ATE1: variants seen among roughly 807,000 people sequenced by gnomAD.
ATE1 encodes the protein arginyl-tRNA--protein transferase 1.
ATE1 carries 36 observed loss-of-function variants against 70.5 expected under a neutral mutation model. That is an observed-to-expected ratio of 0.51 (90% CI 0.39 to 0.67). The LOEUF (loss-of-function observed/expected upper bound fraction) is 0.67, where lower values mean the gene tolerates loss of function less well. ATE1 is among the 30% of genes least tolerant of loss of function. The probability of loss-of-function intolerance (pLI) is 0.00; values close to 1 mark genes in which losing one functional copy is unlikely to be tolerated. For missense variants in ATE1, 593 were observed against 629.5 expected, an observed-to-expected ratio of 0.94 and a Z score of 0.62; for synonymous variants, 232 against 219.3, an observed-to-expected ratio of 1.06 and a Z score of -0.51.
At chr10:121,855,564 A>G (rs1253778484) in intron 8 of ATE1, among the ~76,000 whole-genome samples, 4 of 152,200 alleles carry the variant, frequency 2.6e-5, no homozygotes, top group African/African-American at 9.7e-5. Context: ...TTCTGCATCT[A>G]TAATTCGAAA....
chr10:121,782,188 T>C (rs1376795412), intron 11 of ATE1, among the ~76,000 whole-genome samples: 1 of 152,252 alleles, frequency 6.6e-6, no homozygotes, highest in Non-Finnish European at 1.5e-5. Context: ...TTCCAATTAC[T>C]AGTAGACATT....
intron 10 of ATE1, among the ~76,000 whole-genome samples, chr10:121,803,683 GCTGTCTCTAACTAATCATATCTCTAT>G (rs1407241732): frequency 7.9e-5 from 12 of 152,162 alleles, no homozygotes; most frequent in Non-Finnish European, 1.8e-4. Context: ...AAGTCAGTAA[GCTGTCTCTAACTAATCATATCTCTAT>G]CTGGAGCCAT....
intron 11 of ATE1, among the ~76,000 whole-genome samples, chr10:121,780,790 T>A (rs1366126483): frequency 6.6e-6 from 1 of 152,136 alleles, no homozygotes. Flanking sequence ...CAAGCAGATT[T>A]CCCTGACCTT....
chr10:121,899,386 T>C (rs1202194863), intron 7 of ATE1, among the ~76,000 whole-genome samples: 2 of 152,242 alleles, frequency 1.3e-5, no homozygotes, highest in Non-Finnish European at 2.9e-5. Context: ...TCTATTAAAA[T>C]GTTCTACTAT....
At chr10:121,910,750 C>T (rs192899859) in intron 5 of ATE1, among the ~76,000 whole-genome samples, 156 bp downstream of exon 5, 6 of 152,262 alleles carry the variant, frequency 3.9e-5, no homozygotes, top group African/African-American at 1.2e-4. Flanking sequence ...CATGATTTGT[C>T]CATCTAATTC....
At chr10:121,854,198 T>C (rs975957974) in intron 8 of ATE1, among the ~76,000 whole-genome samples, 1 of 152,202 alleles carries the variant, frequency 6.6e-6, no homozygotes, top group African/African-American at 2.4e-5. Context: ...AAATAATCCC[T>C]TACATGGTTT....
intron 10 of ATE1, among the ~76,000 whole-genome samples, chr10:121,803,058 TA>T (rs2133389273): frequency 6.6e-6 from 1 of 152,310 alleles, no homozygotes; most frequent in South Asian, 2.1e-4. Flanking sequence ...TTCTAGAACT[TA>T]ATACAATCTA....
At chr10:121,777,694 T>A (rs1280522005) in intron 11 of ATE1, among the ~76,000 whole-genome samples, 1 of 152,230 alleles carries the variant, frequency 6.6e-6, no homozygotes, top group East Asian at 1.9e-4. Flanking sequence ...TCTTGAAGAT[T>A]TTCTATGTAA....
chr10:121,766,942 G>A (rs1945302318), intron 11 of ATE1, among the ~76,000 whole-genome samples: 1 of 152,108 alleles, frequency 6.6e-6, no homozygotes, highest in African/African-American at 2.4e-5. Context: ...AATAAAAGAG[G>A]AGGAAATCCA....
chr10:121,780,493 C>T lies in ATE1; in HGVS notation c.1378+9676G>A, dbSNP rs546703689. ...TGCATGCAAACCCTTCTTAACTCTGCTCTTAACCAATTCCCACTCTTTCTC... is the reference window on the plus strand; with the variant it reads ...TGCATGCAAACCCTTCTTAACTCTGTTCTTAACCAATTCCCACTCTTTCTC... On this transcript the variant is annotated intron_variant, in intron 11 of 11. Coordinates refer to ENST00000224652, the MANE Select transcript of ATE1 (RefSeq NM_001001976.3). Among the ~76,000 whole-genome samples, 13 of 152,342 alleles carry T rather than the reference C, an allele frequency of 8.5e-5. No homozygotes were observed. In the South Asian group the frequency reaches 2.7e-3, roughly 32 times the overall value.
intron 7 of ATE1, among the ~76,000 whole-genome samples, chr10:121,873,572 A>G (rs1949933315): frequency 6.6e-6 from 1 of 152,040 alleles, no homozygotes; most frequent in Non-Finnish European, 1.5e-5. Context: ...ATTAGTTACA[A>G]TCAGTAAGTT....
intron 10 of ATE1, among the ~76,000 whole-genome samples, chr10:121,808,268 C>T (rs1029372762): frequency 6.6e-6 from 1 of 152,088 alleles, no homozygotes; most frequent in African/African-American, 2.4e-5. Context: ...ACAAAGAATC[C>T]GGACTTTGGA....
At chr10:121,884,138 C>T (rs1245981148) in intron 7 of ATE1, among the ~76,000 whole-genome samples, 2 of 139,564 alleles carry the variant, frequency 1.4e-5, no homozygotes, top group African/African-American at 5.3e-5. Flanking sequence ...AAAAGCACTG[C>T]AATTTCAGGA....
intron 11 of ATE1, among the ~76,000 whole-genome samples, chr10:121,759,672 C>T (rs1459971074): frequency 3.4e-5 from 5 of 148,150 alleles, no homozygotes; most frequent in Admixed American, 6.9e-5. Context: ...TGCAGTGGGC[C>T]GAGACTGCGC....
At chr10:121,805,487 A>G (rs938511373) in intron 10 of ATE1, among the ~76,000 whole-genome samples, 2 of 152,198 alleles carry the variant, frequency 1.3e-5, no homozygotes, top group Non-Finnish European at 2.9e-5. Context: ...TTTTACAGAT[A>G]AAGAGATTGA....
At chr10:121,754,445 GA>G (rs1180496099) in intron 11 of ATE1, among the ~76,000 whole-genome samples, 2 of 152,158 alleles carry the variant, frequency 1.3e-5, no homozygotes, top group African/African-American at 4.8e-5. Context: ...GGCCAAATCT[GA>G]GACAATTTGA....
intron 7 of ATE1, among the ~76,000 whole-genome samples, chr10:121,899,145 A>G (rs1002667966): frequency 7.2e-5 from 11 of 152,180 alleles, no homozygotes; most frequent in African/African-American, 2.7e-4. Context: ...TGCTAACTGT[A>G]CTAAAACTTA....
At chr10:121,858,677 A>ATTT (rs1564902080) in intron 8 of ATE1, among the ~76,000 whole-genome samples, 5 of 128,760 alleles carry the variant, frequency 3.9e-5, no homozygotes, top group South Asian at 2.4e-4. Flanking sequence ...TATAATATAT[A>ATTT]TATTTTTATA....
chr10:121,775,333 G>A (rs1205774918), intron 11 of ATE1, among the ~76,000 whole-genome samples: 1 of 152,174 alleles, frequency 6.6e-6, no homozygotes. Flanking sequence ...GGGGCAAGGG[G>A]AGGGAGAGCA....
Sources: gnomAD v4.1 joint callset for allele counts (sites outside exome capture counted in the v4.1 genomes callset) on GRCh38, gnomAD v4.1.1 for gene constraint, MANE v1.5 for transcripts, NCBI Gene and HGNC (gene_info 2026-07-23, HGNC 2026-07-21) for gene names.